The following KIF5B variants were observed in gnomAD, a reference collection of about 807,000 sequenced individuals.
KIF5B encodes the protein kinesin family member 5B.
Under a neutral mutation model 132.8 loss-of-function variants are expected in KIF5B, and 49 were observed. That is an observed-to-expected ratio of 0.37 (90% CI 0.29 to 0.47). The LOEUF is 0.47. Ranked by LOEUF, KIF5B falls within the 20% of genes least tolerant of loss-of-function variation. The pLI is 1.00. For synonymous variants in KIF5B, 355 were observed against 369.4 expected (o/e 0.96, Z 0.45); for missense variants, 780 against 1,144.0 (o/e 0.68, Z 4.59).
At chr10:32,043,245 C>T (rs1286948922) in intron 2 of KIF5B, among the ~76,000 whole-genome samples, 20 of 152,160 alleles carry the variant, frequency 1.3e-4, no homozygotes, top group Non-Finnish European at 2.4e-4. Context: ...TCAGGAGATT[C>T]GCCCACTTCG....
At chr10:32,025,276 T>C (rs1190412733) in intron 15 of KIF5B, among the ~76,000 whole-genome samples, 2 of 152,246 alleles carry the variant, frequency 1.3e-5, no homozygotes, top group African/African-American at 4.8e-5. Flanking sequence ...TGGGAGTTCC[T>C]TACAAAGCTA....
At chr10:32,027,092 A>C (rs571084623) in intron 15 of KIF5B, among the ~76,000 whole-genome samples, 1 of 152,342 alleles carries the variant, frequency 6.6e-6, no homozygotes, top group East Asian at 1.9e-4. Flanking sequence ...AGCAACATTA[A>C]ACAATACAAA....
intron 15 of KIF5B, among the ~76,000 whole-genome samples, chr10:32,024,222 T>A (rs1841305272): frequency 7.7e-6 from 1 of 130,046 alleles, no homozygotes; most frequent in Admixed American, 8.2e-5. Context: ...TGGCGGGATC[T>A]CGGCTCACTG....
intron 23 of KIF5B, among the ~76,000 whole-genome samples, chr10:32,017,663 G>T (rs1841194394): frequency 6.6e-6 from 1 of 152,048 alleles, no homozygotes; most frequent in Admixed American, 6.6e-5. Flanking sequence ...AACTAATCTG[G>T]TTAAATGAAA....
chr10:32,052,088 T>C (rs1394581605), intron 1 of KIF5B, among the ~76,000 whole-genome samples: 2 of 152,172 alleles, frequency 1.3e-5, no homozygotes, highest in African/African-American at 4.8e-5. Flanking sequence ...CTTAGGTTCC[T>C]TAAGGGAAGT....
rs1285314686 is a variant in KIF5B, at chr10:32,009,208, CTG to C, written c.*2327_*2328del. 6.6e-6 allele frequency: 1 copy of C among 152,158 alleles called. No individual in the cohort carries two copies. The highest frequency in any genetic ancestry group is 1.5e-5 in the Non-Finnish European group (1 of 68,020). The allele number at this position is 152,158 out of a possible 1,614,324, so 9.4% of individuals were successfully genotyped here. ...CATGTCAAATGGAGTTAAGCACAAA[CTG>C]AGAGTTACGCACAGTAGTTTTCTTA... On this transcript the variant is annotated 3_prime_UTR_variant, in exon 26 of 26. Transcript: ENST00000302418.
At chr10:32,021,983 C>A (rs1302688685) in intron 17 of KIF5B, among the ~76,000 whole-genome samples, 157 bp downstream of exon 17, 1 of 151,890 alleles carries the variant, frequency 6.6e-6, no homozygotes, top group Non-Finnish European at 1.5e-5. Flanking sequence ...AAAACAACAA[C>A]AAAAAAATGT....
At chr10:32,026,493 G>C (rs1422067818) in intron 15 of KIF5B, among the ~76,000 whole-genome samples, 1 of 129,764 alleles carries the variant, frequency 7.7e-6, no homozygotes, top group Non-Finnish European at 1.6e-5. Flanking sequence ...TATATGATGA[G>C]AGGAAAAGAA....
chr10:32,035,774 G>A (rs1841453792), intron 9 of KIF5B, 107 bp from the exon 10 acceptor site: 1 of 1,333,442 alleles, frequency 7.5e-7, no homozygotes, highest in Non-Finnish European at 1.0e-6. Flanking sequence ...CAAACACATT[G>A]AATCTCAATC....
intron 21 of KIF5B, 52 bp from the exon 22 acceptor site, chr10:32,018,439 A>G: frequency 6.3e-6 from 10 of 1,588,396 alleles, no homozygotes; most frequent in Non-Finnish European, 7.7e-6. Context: ...AATTTAGAAT[A>G]ATCATGGTAG....
chr10:32,037,446 T>C (rs1177824975), intron 7 of KIF5B, 68 bp from the exon 8 acceptor site: 20 of 1,594,144 alleles, frequency 1.3e-5, no homozygotes, highest in Non-Finnish European at 1.6e-5. Flanking sequence ...CCTGAAGCAA[T>C]CTTATAATTA....
intron 1 of KIF5B, among the ~76,000 whole-genome samples, chr10:32,052,447 C>T (rs927288486): frequency 6.6e-6 from 1 of 152,300 alleles, no homozygotes; most frequent in Admixed American, 6.5e-5. Context: ...TCTAATTTCT[C>T]GGAACTACCA....
intron 5 of KIF5B, among the ~76,000 whole-genome samples, 179 bp from the exon 6 acceptor site, chr10:32,038,397 G>C (rs896272457): frequency 4.6e-5 from 7 of 152,120 alleles, no homozygotes; most frequent in Admixed American, 1.3e-4. Context: ...AGAAACCAAT[G>C]CAACAATATA....
rs954639229 is a variant in KIF5B, at chr10:32,009,599, A to G, written c.*1938T>C. ...CTAATTAAAATTCGTTGTTCATTAC[A>G]CAGCACCAATACCCATGATACATCT... On this transcript the variant is annotated 3_prime_UTR_variant, in exon 26 of 26. Coordinates refer to ENST00000302418, the MANE Select transcript of KIF5B (RefSeq NM_004521.3). The G allele has an allele frequency of 6.6e-6, 1 of 152,206 alleles. No homozygotes were observed. Among genetic ancestry groups the G allele is most frequent in the African/African-American group, 2.4e-5 (1 of 41,464 alleles). The allele number at this position is 152,206 out of a possible 1,614,324, so 9.4% of individuals were successfully genotyped here. A position where few individuals can be genotyped will look rare whatever the true frequency, so the allele number is the denominator to read the frequency against.
intron 13 of KIF5B, 146 bp from the exon 14 acceptor site, chr10:32,031,425 TA>T (rs1821481190): frequency 1.5e-6 from 1 of 661,288 alleles, no homozygotes; most frequent in Admixed American, 2.8e-5. Flanking sequence ...ACAGATTTAC[TA>T]AATGTCAACT....
chr10:32,049,978 G>A (rs1394881508), intron 1 of KIF5B, among the ~76,000 whole-genome samples: 2 of 151,946 alleles, frequency 1.3e-5, no homozygotes, highest in East Asian at 1.9e-4. Context: ...AATGCTTGCA[G>A]GAACAATTTT....
rs1277641340 is a variant in KIF5B at position 32,021,267 on chromosome 10, T to C, written c.2053A>G (p.Lys685Glu). 1 of 1,612,702 alleles carries C rather than the reference T, an allele frequency of 6.2e-7. No homozygotes were observed. Among genetic ancestry groups the C allele is most frequent in the African/African-American group, 1.3e-5 (1 of 75,042 alleles). The change falls in exon 18 of 26, where the codon AAG becomes GAG. Residue 685 changes from lysine to glutamate, a missense_variant. Lys to Glu is a moderately conservative substitution (Grantham distance 56). This residue lies in a region of KIF5B where 471 missense variants were observed against 569.9 expected (regional missense o/e 0.83). Coordinates refer to ENST00000302418, the MANE Select transcript of KIF5B (RefSeq NM_004521.3). ...RAQEKVHEME[K>E]EHLNKVQTAN... Reference sequence around the variant, plus strand: ...GTCTGAACCTTATTTAAGTGCTCCTTTTCCATTTCATGGACTTTCTCTGTT... The same window carrying C: ...GTCTGAACCTTATTTAAGTGCTCCTCTTCCATTTCATGGACTTTCTCTGTT...
chr10:32,011,559 C>T (rs1201008545), intron 25 of KIF5B, 43 bp from the exon 26 acceptor site: 1 of 152,018 alleles, frequency 6.6e-6, no homozygotes, highest in Non-Finnish European at 1.5e-5. Flanking sequence ...TTTAGTTTTA[C>T]AAAATTGGTG....
chr10:32,038,221 G>A lies in KIF5B; in HGVS notation c.443-3C>T. ...AACTGAAAGGTTGGTCTTTGAAACT[G>A]AGAAAGAAAAACAAATGTTAGCAAC... On this transcript the variant is annotated splice_polypyrimidine_tract_variant and splice_region_variant and intron_variant, in intron 5 of 25. Transcript: ENST00000302418. 6.2e-7 allele frequency: 1 copy of A among 1,600,074 alleles called. No homozygotes were observed. Among genetic ancestry groups the A allele is most frequent in the Non-Finnish European group, 8.6e-7 (1 of 1,168,836 alleles).
Sources: gnomAD v4.1 joint callset for allele counts (sites outside exome capture counted in the v4.1 genomes callset) on GRCh38, gnomAD v4.1.1 for gene constraint, gnomAD v4.1.1 regional missense constraint, MANE v1.5 for transcripts, NCBI Gene and HGNC (gene_info 2026-07-23, HGNC 2026-07-21) for gene names.